UBE2E3: variants seen among roughly 807,000 people sequenced by gnomAD.
UBE2E3 encodes the protein ubiquitin conjugating enzyme E2 E3, also known as ubiquitin-conjugating enzyme E2 E3.
A neutral mutation model predicts 23.6 loss-of-function variants in UBE2E3; 5 were observed. That is an observed-to-expected ratio of 0.21 (90% CI 0.11 to 0.44). The LOEUF (loss-of-function observed/expected upper bound fraction) is 0.44, where lower values mean the gene tolerates loss of function less well. UBE2E3 is among the 20% of genes least tolerant of loss of function. The pLI is 0.99. For missense variants in UBE2E3, 81 were observed against 249.8 expected, an observed-to-expected ratio of 0.32 and a Z score of 4.55; for synonymous variants, 78 against 87.5, an observed-to-expected ratio of 0.89 and a Z score of 0.60.
intron 3 of UBE2E3, among the ~76,000 whole-genome samples, chr2:181,046,760 G>T (rs981810529): frequency 6.6e-6 from 1 of 152,056 alleles, no homozygotes; most frequent in Non-Finnish European, 1.5e-5. Flanking sequence ...CCAGTTTGGG[G>T]TTTGATAAGA....
intron 3 of UBE2E3, among the ~76,000 whole-genome samples, chr2:181,007,373 A>G (rs986532900): frequency 6.6e-6 from 1 of 152,206 alleles, no homozygotes; most frequent in African/African-American, 2.4e-5. Flanking sequence ...TTAGCCCTAC[A>G]TGTTGCTCCC....
chr2:181,022,195 T>A (rs995298919), intron 3 of UBE2E3, among the ~76,000 whole-genome samples: 19 of 152,276 alleles, frequency 1.2e-4, no homozygotes, highest in Non-Finnish European at 2.2e-4. Flanking sequence ...GCCATTTTTT[T>A]ATGAATGTTA....
intron 3 of UBE2E3, among the ~76,000 whole-genome samples, chr2:180,987,629 T>G (rs958546590): frequency 1.3e-5 from 2 of 152,086 alleles, no homozygotes; most frequent in Non-Finnish European, 2.9e-5. Flanking sequence ...ATCAGGTGAT[T>G]TCGTTGACTT....
At position 180,980,995 on chromosome 2, in the gene UBE2E3, G is replaced by A. The variant is rs1156948437; in HGVS notation, c.-26+22G>A. ...CGAGGTAAGGCGGCGGGGCCGGGGG[G>A]CCGCGTGGGGGGCGGCCGGGGCGGC... On this transcript the variant is annotated intron_variant, in intron 1 of 5. Coordinates refer to ENST00000410062, the MANE Select transcript of UBE2E3 (RefSeq NM_006357.4). This position sits in a 1 kb window ranked among gnomAD's most constrained non-coding sequence, Gnocchi z 5.5. The A allele has an allele frequency of 1.4e-5, 2 of 147,184 alleles. No homozygotes were observed. Among genetic ancestry groups the A allele is most frequent in the Admixed American group, 1.4e-4 (2 of 14,748 alleles). 9.1% of individuals were successfully genotyped at this position (147,184 alleles called of 1,614,324 possible). A position where few individuals can be genotyped will look rare whatever the true frequency, so the allele number is the denominator to read the frequency against.
In UBE2E3 at chr2:181,061,403, G is replaced by A. The variant is rs1171078032; in HGVS notation, c.526+591G>A. The stretch of plus-strand genomic sequence containing the variant: ...CTCCCAAAGTGCTGGGATTACAGGC[G>A]TGAGCCACCGCGCCCGGCCGACCAC... On this transcript the variant is annotated intron_variant, in intron 5 of 5. Coordinates refer to ENST00000410062, the MANE Select transcript of UBE2E3 (RefSeq NM_006357.4). 2.4e-4 allele frequency among the ~76,000 whole-genome samples: 2 copies of A among 8,202 alleles called. 1 individual carries two copies. Among genetic ancestry groups the A allele is most frequent in the Non-Finnish European group, 3.9e-4 (2 of 5,148 alleles). The allele number at this position is 8,202 out of a possible 152,430, so 5.4% of individuals were successfully genotyped here.
chr2:181,047,178 A>G (rs909290589), intron 3 of UBE2E3, among the ~76,000 whole-genome samples: 3 of 152,054 alleles, frequency 2.0e-5, no homozygotes, highest in East Asian at 1.9e-4. Context: ...ATATCTCTTC[A>G]TGTAATTAAT....
At chr2:180,999,770 T>C (rs188506116) in intron 3 of UBE2E3, among the ~76,000 whole-genome samples, 19 of 152,326 alleles carry the variant, frequency 1.2e-4, no homozygotes, top group African/African-American at 4.3e-4. Flanking sequence ...ATTGAGTAAC[T>C]GTAAAAGCTT....
intron 2 of UBE2E3, among the ~76,000 whole-genome samples, chr2:180,983,208 C>G (rs1684356389): frequency 6.6e-6 from 1 of 152,114 alleles, no homozygotes; most frequent in Admixed American, 6.6e-5. Flanking sequence ...TGTGGTGATT[C>G]ATAAATACTC....
intron 4 of UBE2E3, among the ~76,000 whole-genome samples, chr2:181,059,656 C>T (rs544035552): frequency 5.3e-4 from 80 of 151,650 alleles, no homozygotes; most frequent in African/African-American, 1.7e-3. Flanking sequence ...ACTTCTAGTT[C>T]GTCTCAATTC....
At chr2:181,036,533 G>A (rs115632917) in intron 3 of UBE2E3, among the ~76,000 whole-genome samples, 136 of 152,304 alleles carry the variant, frequency 8.9e-4, no homozygotes, top group African/African-American at 3.1e-3. Context: ...TTTCAGAGAT[G>A]TGCATGTTAA....
At chr2:181,025,137 G>A (rs187693239) in intron 3 of UBE2E3, among the ~76,000 whole-genome samples, 24 of 152,056 alleles carry the variant, frequency 1.6e-4, no homozygotes, top group Admixed American at 3.3e-4. Context: ...ATTTATAGGG[G>A]CACGAGTGGT....
chr2:181,039,707 C>G (rs1360700312), intron 3 of UBE2E3, among the ~76,000 whole-genome samples: 1 of 152,110 alleles, frequency 6.6e-6, no homozygotes, highest in African/African-American at 2.4e-5. Context: ...TTTATAATGA[C>G]AAAGACACTG....
At chr2:181,047,113 A>T (rs967999392) in intron 3 of UBE2E3, among the ~76,000 whole-genome samples, 1 of 152,096 alleles carries the variant, frequency 6.6e-6, no homozygotes, top group Non-Finnish European at 1.5e-5. Flanking sequence ...TGATCACCAC[A>T]TGACTAGATG....
chr2:181,018,928 AG>A (rs1266448019), intron 3 of UBE2E3, among the ~76,000 whole-genome samples: 1 of 152,100 alleles, frequency 6.6e-6, no homozygotes, highest in East Asian at 1.9e-4. Flanking sequence ...AAAGTAAGGA[AG>A]TTGGAAATAC....
intron 3 of UBE2E3, among the ~76,000 whole-genome samples, chr2:181,040,788 A>T (rs1686465340): frequency 1.3e-5 from 2 of 152,182 alleles, no homozygotes; most frequent in African/African-American, 4.8e-5. Flanking sequence ...CAGTTTCTGG[A>T]ATTTTTATAA....
intron 3 of UBE2E3, among the ~76,000 whole-genome samples, chr2:181,041,007 T>A (rs1314978968): frequency 2.0e-5 from 3 of 152,080 alleles, no homozygotes; most frequent in Non-Finnish European, 4.4e-5. Context: ...CCCAGCACTT[T>A]GGGAGACCCA....
intron 3 of UBE2E3, chr2:180,990,054 A>G: frequency 7.5e-7 from 1 of 1,326,840 alleles, no homozygotes; most frequent in Non-Finnish European, 1.0e-6. Context: ...TTGACAGGTA[A>G]GTATATTTGG....
intron 3 of UBE2E3, among the ~76,000 whole-genome samples, chr2:181,012,906 G>C (rs1044693722): frequency 1.2e-4 from 18 of 152,048 alleles, no homozygotes; most frequent in Non-Finnish European, 2.4e-4. Flanking sequence ...GACATTGCTT[G>C]GTATTTAGAA....
At chr2:181,034,230 A>G (rs866821884) in intron 3 of UBE2E3, among the ~76,000 whole-genome samples, 1 of 152,246 alleles carries the variant, frequency 6.6e-6, no homozygotes, top group African/African-American at 2.4e-5. Context: ...ATACACATGT[A>G]TGTTTATTGT....
Sources: gnomAD v4.1 joint callset for allele counts (sites outside exome capture counted in the v4.1 genomes callset) on GRCh38, gnomAD v4.1.1 for gene constraint, Gnocchi (gnomAD v3.1) non-coding constraint, MANE v1.5 for transcripts, NCBI Gene and HGNC (gene_info 2026-07-23, HGNC 2026-07-21) for gene names.